Variants in POLR3E observed in about 807,000 individuals in gnomAD.
POLR3E encodes RNA polymerase III subunit E.
A neutral mutation model predicts 96.6 loss-of-function variants in POLR3E; 41 were observed. The observed-to-expected ratio is 0.42, with a 90% CI of 0.33 to 0.55. The LOEUF (loss-of-function observed/expected upper bound fraction) is 0.55, where lower values mean the gene tolerates loss of function less well. POLR3E is among the 20% of genes least tolerant of loss of function. POLR3E has a pLI of 0.06. For synonymous variants in POLR3E, 396 were observed against 383.6 expected (o/e 1.03, Z -0.38); for missense variants, 849 against 952.1 (o/e 0.89, Z 1.43).
intron 4 of POLR3E, 31 bp downstream of exon 4, chr16:22,308,256 C>T (rs752310197): frequency 2.3e-5 from 36 of 1,552,382 alleles, no homozygotes; most frequent in Admixed American, 5.0e-5. Flanking sequence ...CAGTTGGGGC[C>T]GAAAGAGAGG....
intron 12 of POLR3E, 90 bp downstream of exon 12, chr16:22,317,296 A>G (rs1369498155): frequency 5.5e-6 from 5 of 902,500 alleles, no homozygotes; most frequent in Non-Finnish European, 8.8e-6. Context: ...CCAGGGGACA[A>G]GGCCAGAGGC....
chr16:22,318,870 T>A lies in POLR3E; in HGVS notation c.910T>A (p.Ser304Thr). 1 of 1,613,626 alleles carries A rather than the reference T, an allele frequency of 6.2e-7. No homozygotes were observed. The highest frequency in any genetic ancestry group is 2.2e-5 in the East Asian group (1 of 44,868). ...FANLMSLLGP[S>T]IDSVAVLRGI... Reference sequence around the variant, plus strand: ...CAACTTGATGAGCCTCCTGGGCCCCTCCATCGATTCCGTGGCTGTTCTGCG... The same window carrying A: ...CAACTTGATGAGCCTCCTGGGCCCCACCATCGATTCCGTGGCTGTTCTGCG... Residue 304 changes from serine to threonine, a missense_variant, in exon 13 of 21, where the codon TCC (serine) becomes ACC (threonine). By Grantham distance (58) the Ser-to-Thr change is moderately conservative. Transcript: ENST00000299853. This position sits in a 1 kb window ranked among gnomAD's most constrained non-coding sequence, Gnocchi z 5.0.
At chr16:22,298,466 G>C (rs1222475035) in intron 1 of POLR3E, among the ~76,000 whole-genome samples, 1 of 152,136 alleles carries the variant, frequency 6.6e-6, no homozygotes, top group East Asian at 1.9e-4. Flanking sequence ...TCTGGAGGTC[G>C]GTACTTAGTT....
Position 22,333,877 on chromosome 16 carries a change from C to CAGCTTAAGTTAGTTAG in POLR3E, c.*179_*194dup. The CAGCTTAAGTTAGTTAG allele has an allele frequency of 1.8e-6, 1 of 554,550 alleles. No individual in the cohort carries two copies. The highest frequency in any genetic ancestry group is 2.6e-5 in the South Asian group (1 of 38,292). 34.4% of individuals were successfully genotyped at this position (554,550 alleles called of 1,614,324 possible). A position where few individuals can be genotyped will look rare whatever the true frequency, so the allele number is the denominator to read the frequency against. On this transcript the variant is annotated 3_prime_UTR_variant, in exon 21 of 21. Transcript: ENST00000299853. ...GATTATCCTCAGCCAGTCGCAGGGT[C>CAGCTTAAGTTAGTTAG]AGCTTAAGTTAGTTAGATCACTCCC...
intron 20 of POLR3E, among the ~76,000 whole-genome samples, chr16:22,333,070 T>C (rs2048777065): frequency 6.8e-6 from 1 of 148,074 alleles, no homozygotes; most frequent in East Asian, 2.1e-4. Context: ...TACCTCCCAG[T>C]TTCAAGCAAT....
intron 18 of POLR3E, chr16:22,327,911 A>C (rs1267979097): frequency 6.6e-6 from 1 of 152,426 alleles, no homozygotes; most frequent in Non-Finnish European, 1.5e-5. Context: ...CCAGGACTGG[A>C]AACTACCATC....
At position 22,311,743 on chromosome 16, in the gene POLR3E, G is replaced by A. The variant is rs1034835627; in HGVS notation, c.365-1877G>A. The stretch of plus-strand genomic sequence containing the variant: ...ACTCCTGGGCTCAAGCGATCCTCTT[G>A]TCTCTGCCTCCCAGAGTTCTGGGAT... On this transcript the variant is annotated intron_variant, in intron 6 of 20. Transcript: ENST00000299853. Among the ~76,000 whole-genome samples, 5 of 151,996 alleles carry A rather than the reference G, an allele frequency of 3.3e-5. No homozygotes were observed. The East Asian group carries it at 5.8e-4, about 18-fold the overall frequency.
At chr16:22,333,412 G>A (rs1269579612) in intron 20 of POLR3E, among the ~76,000 whole-genome samples, 4 of 149,316 alleles carry the variant, frequency 2.7e-5, no homozygotes, top group South Asian at 2.1e-4. Flanking sequence ...AGATCATGCC[G>A]TTGCACTCCA....
intron 6 of POLR3E, among the ~76,000 whole-genome samples, chr16:22,312,953 A>G (rs1036133559): frequency 4.6e-5 from 7 of 151,950 alleles, no homozygotes; most frequent in Non-Finnish European, 1.0e-4. Context: ...TAATCTGAAC[A>G]CTTAGGAAAC....
Position 22,325,280 on chromosome 16 carries a change from T to C in POLR3E, c.1348+14T>C. On this transcript the variant is annotated intron_variant, in intron 17 of 20. Transcript: ENST00000299853. ...ATGCACAATCAGGTGTGTGAGGGGC[T>C]TTGGGCTGGGAGGCCCCGGCTCCTA... The C allele has an allele frequency of 5.0e-6, 8 of 1,608,844 alleles. No individual in the cohort carries two copies. Among genetic ancestry groups the C allele is most frequent in the Non-Finnish European group, 6.8e-6 (8 of 1,175,230 alleles).
chr16:22,334,362 A>G lies in POLR3E; in HGVS notation c.*662A>G, dbSNP rs2048808294. 1.3e-5 allele frequency: 2 copies of G among 152,240 alleles called. No individual in the cohort carries two copies. Among genetic ancestry groups the G allele is most frequent in the Non-Finnish European group, 1.5e-5 (1 of 68,042 alleles). 9.4% of individuals were successfully genotyped at this position (152,240 alleles called of 1,614,324 possible). On this transcript the variant is annotated 3_prime_UTR_variant, in exon 21 of 21. Transcript: ENST00000299853. ...AACAAAACCAGGTAAGTATGGAACA[A>G]TGTGTAAGTGAGGTTATCACACTTT...
intron 20 of POLR3E, among the ~76,000 whole-genome samples, chr16:22,332,568 A>C (rs1429390247): frequency 6.6e-6 from 1 of 152,100 alleles, no homozygotes; most frequent in Non-Finnish European, 1.5e-5. Context: ...CAATAGAACA[A>C]CAAAAAAATA....
intron 6 of POLR3E, among the ~76,000 whole-genome samples, chr16:22,312,422 A>T (rs2048265101): frequency 6.6e-6 from 1 of 151,942 alleles, no homozygotes; most frequent in Non-Finnish European, 1.5e-5. Flanking sequence ...GCTTGAACTC[A>T]GGAGGCGGAG....
At chr16:22,329,497 C>T (rs1258534836) in intron 19 of POLR3E, among the ~76,000 whole-genome samples, 1 of 152,064 alleles carries the variant, frequency 6.6e-6, no homozygotes, top group Non-Finnish European at 1.5e-5. Flanking sequence ...CTAGGCCCTG[C>T]TCCTAAGGTG....
chr16:22,299,410 CTTTTTTTTTTTT>C (rs34579812), intron 1 of POLR3E, among the ~76,000 whole-genome samples: 2 of 117,364 alleles, frequency 1.7e-5, no homozygotes. Context: ...ATATGATTTA[CTTTTTTTTTTTT>C]TTTTTTTTTG....
In POLR3E at chr16:22,325,655, G is replaced by C. The variant is rs532225791; in HGVS notation, c.1349-106G>C. On this transcript the variant is annotated intron_variant, in intron 17 of 20. Transcript: ENST00000299853. The stretch of plus-strand genomic sequence containing the variant: ...TGGCTGATTTTCGAGAAAGGTTGGG[G>C]ATGAGACCAGGACGGGACCACTTGC... The C allele has an allele frequency of 6.1e-6, 8 of 1,320,748 alleles. 1 individual carries two copies. The South Asian group carries it at 1.3e-4, about 21-fold the overall frequency. The allele number at this position is 1,320,748 out of a possible 1,614,324, so 81.8% of individuals were successfully genotyped here. A position where few individuals can be genotyped will look rare whatever the true frequency, so the allele number is the denominator to read the frequency against.
Position 22,313,834 on chromosome 16 carries a change from G to A in POLR3E, c.472+107G>A. 1.3e-6 allele frequency: 1 copy of A among 793,174 alleles called. No homozygotes were observed. 49.1% of individuals were successfully genotyped at this position (793,174 alleles called of 1,614,324 possible). A position where few individuals can be genotyped will look rare whatever the true frequency, so the allele number is the denominator to read the frequency against. On this transcript the variant is annotated intron_variant, in intron 7 of 20. Transcript: ENST00000299853. The surrounding 1 kb of genome is among the most constrained non-coding windows in gnomAD (Gnocchi z 4.1). ...GATAGGATGTTTAGCAGGATCCCTG[G>A]CCTCTACCTACTAGATGCCAGAAGC...
At chr16:22,299,892 C>G (rs185932558) in intron 1 of POLR3E, among the ~76,000 whole-genome samples, 1 of 128,716 alleles carries the variant, frequency 7.8e-6, no homozygotes, top group Non-Finnish European at 1.5e-5. Flanking sequence ...AAAGAGAGAC[C>G]GGGGGGCGGG....
At chr16:22,331,222 G>T (rs576992318) in intron 19 of POLR3E, among the ~76,000 whole-genome samples, 3 of 151,894 alleles carry the variant, frequency 2.0e-5, no homozygotes, top group African/African-American at 7.2e-5. Flanking sequence ...CAGGTAATCC[G>T]CCTGCCTCGG....
Sources: gnomAD v4.1 joint callset for allele counts (sites outside exome capture counted in the v4.1 genomes callset) on GRCh38, gnomAD v4.1.1 for gene constraint, Gnocchi (gnomAD v3.1) non-coding constraint, MANE v1.5 for transcripts, NCBI Gene and HGNC (gene_info 2026-07-23, HGNC 2026-07-21) for gene names.